COL25A1: variants seen among roughly 807,000 people sequenced by gnomAD.
The protein encoded by COL25A1 is collagen alpha-1(XXV) chain.
COL25A1 carries 103 observed loss-of-function variants against 128.4 expected under a neutral mutation model. The ratio of observed to expected loss-of-function variants is 0.80; its 90% CI spans 0.68 to 0.94. COL25A1 has a LOEUF of 0.94. Among genes scored for constraint, COL25A1 ranks in the 40% least tolerant of loss-of-function variants. The pLI is 0.00. For synonymous variants in COL25A1, 279 were observed against 277.2 expected, an observed-to-expected ratio of 1.01 and a Z score of -0.06; for missense variants, 745 against 840.0, an observed-to-expected ratio of 0.89 and a Z score of 1.40.
chr4:108,855,152 A>G (rs1736323707), intron 24 of COL25A1, among the ~76,000 whole-genome samples: 1 of 146,946 alleles, frequency 6.8e-6, no homozygotes, highest in South Asian at 2.2e-4. Context: ...TCTGTTTTCC[A>G]CTGTTCCACT....
intron 32 of COL25A1, among the ~76,000 whole-genome samples, chr4:108,829,672 C>G (rs1732850831): frequency 6.6e-6 from 1 of 151,884 alleles, no homozygotes; most frequent in East Asian, 1.9e-4. Flanking sequence ...TATACTATGG[C>G]TTATTTGAAT....
intron 3 of COL25A1, among the ~76,000 whole-genome samples, chr4:109,259,602 T>A (rs916953664): frequency 6.6e-6 from 1 of 152,210 alleles, no homozygotes; most frequent in Non-Finnish European, 1.5e-5. Flanking sequence ...TTTGCTGCAG[T>A]AGAAATGCCA....
chr4:108,951,839 T>C (rs897333937), intron 8 of COL25A1, among the ~76,000 whole-genome samples: 1 of 152,212 alleles, frequency 6.6e-6, no homozygotes, highest in Non-Finnish European at 1.5e-5. Flanking sequence ...ATTTGATGGT[T>C]TGATTACAGG....
intron 6 of COL25A1, among the ~76,000 whole-genome samples, chr4:109,005,617 T>G (rs1339333381): frequency 6.6e-6 from 1 of 152,150 alleles, no homozygotes; most frequent in Admixed American, 6.5e-5. Flanking sequence ...TTAGTAATAG[T>G]GTCTTAATGA....
intron 3 of COL25A1, among the ~76,000 whole-genome samples, chr4:109,211,670 AG>A (rs1481920292): frequency 2.0e-5 from 3 of 152,146 alleles, no homozygotes; most frequent in Non-Finnish European, 2.9e-5. Context: ...TTTCATTAGC[AG>A]GATGCCTATG....
chr4:109,052,149 G>A (rs184626789), intron 3 of COL25A1, among the ~76,000 whole-genome samples: 27 of 152,192 alleles, frequency 1.8e-4, no homozygotes, highest in African/African-American at 5.1e-4. Context: ...AAAAACAATA[G>A]ATTGCACAAA....
At chr4:109,059,732 A>G (rs1431099426) in intron 3 of COL25A1, among the ~76,000 whole-genome samples, 1 of 152,204 alleles carries the variant, frequency 6.6e-6, no homozygotes, top group Admixed American at 6.5e-5. Context: ...GTTTTTACCC[A>G]TGCTGTTATA....
chr4:109,012,785 C>CCTCCCTGCCGGGTGCCG (rs1195348519), intron 5 of COL25A1, among the ~76,000 whole-genome samples: 2 of 152,210 alleles, frequency 1.3e-5, no homozygotes, highest in African/African-American at 4.8e-5. Flanking sequence ...GTGGCCCCAG[C>CCTCCCTGCCGGGTGCCG]CTCCCTGACG....
At chr4:109,127,115 G>T (rs1768697174) in intron 3 of COL25A1, among the ~76,000 whole-genome samples, 1 of 152,114 alleles carries the variant, frequency 6.6e-6, no homozygotes, top group Admixed American at 6.5e-5. Context: ...AAAGCTTAAA[G>T]AATTATTCAT....
chr4:109,213,796 T>G (rs1035289430), intron 3 of COL25A1, among the ~76,000 whole-genome samples: 3 of 152,188 alleles, frequency 2.0e-5, no homozygotes, highest in African/African-American at 4.8e-5. Flanking sequence ...GCTGTCCAAA[T>G]TGTAAGTTTA....
At chr4:109,118,877 C>T (rs890626087) in intron 3 of COL25A1, among the ~76,000 whole-genome samples, 2 of 151,978 alleles carry the variant, frequency 1.3e-5, no homozygotes, top group Non-Finnish European at 2.9e-5. Flanking sequence ...GTATAAGTGA[C>T]ATATATGGAC....
intron 3 of COL25A1, among the ~76,000 whole-genome samples, chr4:109,159,564 T>C (rs1181016326): frequency 6.6e-6 from 1 of 152,076 alleles, no homozygotes; most frequent in Non-Finnish European, 1.5e-5. Context: ...ATAACTGCAA[T>C]GGCCAGGAGT....
chr4:109,205,925 T>C (rs751230911), intron 3 of COL25A1, among the ~76,000 whole-genome samples: 1 of 152,100 alleles, frequency 6.6e-6, no homozygotes, highest in Non-Finnish European at 1.5e-5. Flanking sequence ...ATGACCCCAG[T>C]GTTCACGTCA....
chr4:109,222,482 C>A (rs1201275903), intron 3 of COL25A1, among the ~76,000 whole-genome samples: 1 of 152,074 alleles, frequency 6.6e-6, no homozygotes, highest in Non-Finnish European at 1.5e-5. Flanking sequence ...TTTTAGGCCC[C>A]TGGTAAGTAA....
chr4:109,107,014 C>A (rs981847232), intron 3 of COL25A1, among the ~76,000 whole-genome samples: 8 of 152,146 alleles, frequency 5.3e-5, no homozygotes, highest in Non-Finnish European at 8.8e-5. Context: ...AGCAACTCTT[C>A]CTCCTCAGCC....
chr4:109,075,937 T>G (rs545184897), intron 3 of COL25A1, among the ~76,000 whole-genome samples: 1 of 152,136 alleles, frequency 6.6e-6, no homozygotes, highest in Non-Finnish European at 1.5e-5. Context: ...CAACCACAGA[T>G]AGAAAATATT....
intron 19 of COL25A1, among the ~76,000 whole-genome samples, chr4:108,878,463 C>T (rs1041598206): frequency 2.0e-5 from 3 of 152,074 alleles, no homozygotes; most frequent in Non-Finnish European, 4.4e-5. Flanking sequence ...TGCTTAAAGG[C>T]TAATTAGAAT....
intron 8 of COL25A1, among the ~76,000 whole-genome samples, chr4:108,952,195 A>G (rs1177259599): frequency 6.6e-6 from 1 of 152,144 alleles, no homozygotes; most frequent in African/African-American, 2.4e-5. Flanking sequence ...TACTTTTATG[A>G]TTTCAGTGTT....
intron 8 of COL25A1, among the ~76,000 whole-genome samples, chr4:108,951,715 T>C (rs1749460933): frequency 6.6e-6 from 1 of 152,222 alleles, no homozygotes; most frequent in African/African-American, 2.4e-5. Context: ...TTTAAAGTTT[T>C]TCCTCTTTGC....
Sources: gnomAD v4.1 joint callset for allele counts (sites outside exome capture counted in the v4.1 genomes callset) on GRCh38, gnomAD v4.1.1 for gene constraint, MANE v1.5 for transcripts, NCBI Gene and HGNC (gene_info 2026-07-23, HGNC 2026-07-21) for gene names.